The following PPFIBP2 variants were observed in gnomAD, a reference collection of about 807,000 sequenced individuals.
PPFIBP2 encodes the protein PPFIB scaffold protein 2.
A neutral mutation model predicts 118.3 loss-of-function variants in PPFIBP2; 118 were observed. The observed-to-expected ratio is 1.00, with a 90% CI of 0.86 to 1.16. PPFIBP2 has a LOEUF of 1.16. PPFIBP2 is among the 50% of genes most tolerant of loss of function. The probability of loss-of-function intolerance (pLI) is 0.00; values close to 1 mark genes in which losing one functional copy is unlikely to be tolerated. For synonymous variants in PPFIBP2, 414 were observed against 397.4 expected, an observed-to-expected ratio of 1.04 and a Z score of -0.50; for missense variants, 1,195 against 1,073.1, an observed-to-expected ratio of 1.11 and a Z score of -1.59.
chr11:7,642,426 G>A lies in PPFIBP2; in HGVS notation c.1646G>A (p.Ser549Asn), dbSNP rs1206289511. 1.9e-6 allele frequency: 3 copies of A among 1,611,956 alleles called. No individual in the cohort carries two copies. Among genetic ancestry groups the A allele is most frequent in the East Asian group, 4.5e-5 (2 of 44,852 alleles). The change falls in exon 17 of 24, where the codon AGT becomes AAT. Residue 549 changes from serine to asparagine, a missense_variant and splice_region_variant. Ser to Asn is a conservative substitution (Grantham distance 46). Transcript: ENST00000299492. ...SRTRDSKGQKSDANAPFAQWS... is the reference protein window; with the variant it reads ...SRTRDSKGQKNDANAPFAQWS... ...ACCAGGGACTCCAAGGGACAGAAAA[G>A]GTAAGGCTTGACCCACTTTCCTTTG...
In PPFIBP2 at chr11:7,527,348, G is replaced by A. The variant is rs192222620; in HGVS notation, c.-37+13227G>A. 2.0e-5 allele frequency among the ~76,000 whole-genome samples: 3 copies of A among 152,160 alleles called. No individual in the cohort carries two copies. In the East Asian group the frequency reaches 5.9e-4, roughly 30 times the overall value. On this transcript the variant is annotated intron_variant, in intron 1 of 23. Coordinates refer to ENST00000299492, the MANE Select transcript of PPFIBP2 (RefSeq NM_003621.5). Reference sequence around the variant, plus strand: ...GGGAAGGAGTCTGGCAAGAATGGTAGGAAGAGTGGCCATGGAACCCCAAGG... The same window carrying A: ...GGGAAGGAGTCTGGCAAGAATGGTAAGAAGAGTGGCCATGGAACCCCAAGG...
At chr11:7,597,486 C>G in intron 4 of PPFIBP2, 74 bp from the exon 5 acceptor site, 1 of 1,538,522 alleles carries the variant, frequency 6.5e-7, no homozygotes, top group Non-Finnish European at 8.9e-7. Context: ...TTAACGGCTC[C>G]CCTGAGGTGG....
downstream of PPFIBP2, chr11:7,655,568 G>GTGTGT (rs1854606820): frequency 1.2e-5 from 14 of 1,195,896 alleles, no homozygotes; most frequent in Non-Finnish European, 1.5e-5. Context: ...GTGTGGTGTG[G>GTGTGT]TGTGGTATGC....
At position 7,649,189 on chromosome 11, in the gene PPFIBP2, T is replaced by G; in HGVS notation, c.1952T>G (p.Phe651Cys). 2 of 1,614,106 alleles carry G rather than the reference T, an allele frequency of 1.2e-6. No individual in the cohort carries two copies. Among genetic ancestry groups the G allele is most frequent in the South Asian group, 1.1e-5 (1 of 91,074 alleles). The change falls in exon 20 of 24, where the codon TTT (phenylalanine) becomes TGT (cysteine). Residue 651 changes from phenylalanine to cysteine, a missense_variant. By Grantham distance (205) the Phe-to-Cys change is radical. Coordinates refer to ENST00000299492, the MANE Select transcript of PPFIBP2 (RefSeq NM_003621.5). ...GGCTTACCCCAGTACAAAGACCAGTTTCATGAATCTAGAGTTGACAGACGA... is the reference window on the plus strand; with the variant it reads ...GGCTTACCCCAGTACAAAGACCAGTGTCATGAATCTAGAGTTGACAGACGA... ...DIGLPQYKDQ[F>C]HESRVDRRML...
In PPFIBP2 at chr11:7,641,109, T is replaced by C. The variant is rs111538053; in HGVS notation, c.1376-370T>C. The C allele has an allele frequency of 1.6e-3, 2,000 of 1,234,382 alleles. 26 individuals are homozygous for C. In the African/African-American group the frequency reaches 0.028, roughly 17 times the overall value. 76.5% of individuals were successfully genotyped at this position (1,234,382 alleles called of 1,614,324 possible). A position where few individuals can be genotyped will look rare whatever the true frequency, so the allele number is the denominator to read the frequency against. On this transcript the variant is annotated intron_variant, in intron 15 of 23. Coordinates refer to ENST00000299492, the MANE Select transcript of PPFIBP2 (RefSeq NM_003621.5). ...GTGAGGTGGAGAGTGAGAATGCCTTTGTTTCCCTACCCTAACCCTCCCCTT... is the reference window on the plus strand; with the variant it reads ...GTGAGGTGGAGAGTGAGAATGCCTTCGTTTCCCTACCCTAACCCTCCCCTT...
intron 21 of PPFIBP2, 131 bp downstream of exon 21, chr11:7,649,785 G>C (rs1048767772): frequency 3.6e-6 from 5 of 1,374,562 alleles, no homozygotes; most frequent in Admixed American, 4.2e-5. Flanking sequence ...TCTTTTGTTT[G>C]CTTGTGCTTC....
At chr11:7,637,965 G>A (rs192139550) in intron 14 of PPFIBP2, among the ~76,000 whole-genome samples, 7 of 152,246 alleles carry the variant, frequency 4.6e-5, no homozygotes, top group South Asian at 2.1e-4. Context: ...GGGAGCATGC[G>A]TGATGATGCA....
intron 5 of PPFIBP2, chr11:7,605,828 A>G: frequency 7.3e-7 from 1 of 1,371,704 alleles, no homozygotes; most frequent in Non-Finnish European, 9.4e-7. Context: ...AAGATTTTAG[A>G]AGCAAAGCAA....
chr11:7,589,077 TG>T, intron 3 of PPFIBP2, among the ~76,000 whole-genome samples: 1 of 152,342 alleles, frequency 6.6e-6, no homozygotes, highest in Middle Eastern at 3.4e-3. Flanking sequence ...CTGTCACATT[TG>T]TAGCAATAAC....
intron 6 of PPFIBP2, among the ~76,000 whole-genome samples, chr11:7,617,753 C>A (rs561101532): frequency 6.6e-6 from 1 of 152,128 alleles, no homozygotes; most frequent in African/African-American, 2.4e-5. Flanking sequence ...AGGTTTACCC[C>A]CAGTGAAAAA....
intron 7 of PPFIBP2, among the ~76,000 whole-genome samples, chr11:7,624,521 A>G (rs942574894): frequency 6.6e-6 from 1 of 152,204 alleles, no homozygotes; most frequent in Non-Finnish European, 1.5e-5. Context: ...CCTTTGTGGA[A>G]TTGAACAGCC....
Position 7,653,583 on chromosome 11 carries a change from A to G in PPFIBP2, c.*365A>G. The G allele has an allele frequency of 7.7e-7, 1 of 1,303,884 alleles. No individual in the cohort carries two copies. Among genetic ancestry groups the G allele is most frequent in the Non-Finnish European group, 1.0e-6 (1 of 998,908 alleles). 80.8% of individuals were successfully genotyped at this position (1,303,884 alleles called of 1,614,324 possible). On this transcript the variant is annotated 3_prime_UTR_variant, in exon 24 of 24. Coordinates refer to ENST00000299492, the MANE Select transcript of PPFIBP2 (RefSeq NM_003621.5). The stretch of plus-strand genomic sequence containing the variant: ...GAGGCTCAGCTCTCAGGCACCCCCT[A>G]CACTTCAGTTGAGGGAAAAGCTCAA...
intron 1 of PPFIBP2, among the ~76,000 whole-genome samples, chr11:7,519,822 T>C (rs1255880661): frequency 6.6e-6 from 1 of 152,038 alleles, no homozygotes; most frequent in Non-Finnish European, 1.5e-5. Flanking sequence ...GCTGGAGCCT[T>C]TTTGGACCAA....
At chr11:7,565,432 A>C (rs1854853078) in intron 2 of PPFIBP2, 121 bp from the exon 3 acceptor site, 2 of 1,014,332 alleles carry the variant, frequency 2.0e-6, no homozygotes, top group Non-Finnish European at 3.0e-6. Flanking sequence ...CGCCATGCCC[A>C]GCTCACCCCC....
chr11:7,619,346 G>T (rs573336865), intron 6 of PPFIBP2, among the ~76,000 whole-genome samples: 1 of 152,286 alleles, frequency 6.6e-6, no homozygotes, highest in Non-Finnish European at 1.5e-5. Context: ...CCAGACAGAG[G>T]GAATGTTGTC....
At chr11:7,655,576 T>G (rs1289131857), downstream of PPFIBP2, 1 of 1,142,570 alleles carries the variant, frequency 8.8e-7, no homozygotes, top group Non-Finnish European at 1.2e-6. Context: ...TGGTGTGGTA[T>G]GCACAAGGCC....
downstream of PPFIBP2, chr11:7,656,691 T>G: frequency 7.8e-7 from 1 of 1,288,268 alleles, no homozygotes; most frequent in Non-Finnish European, 1.0e-6. Context: ...GGACCAAAAC[T>G]CTATTAAACT....
chr11:7,626,115 G>A (rs1849971846), intron 8 of PPFIBP2, among the ~76,000 whole-genome samples: 1 of 152,090 alleles, frequency 6.6e-6, no homozygotes, highest in African/African-American at 2.4e-5. Context: ...TCATTCCCAT[G>A]GAACCCTCCC....
At chr11:7,584,292 G>C (rs921578118) in intron 3 of PPFIBP2, among the ~76,000 whole-genome samples, 4 of 152,148 alleles carry the variant, frequency 2.6e-5, no homozygotes, top group Admixed American at 6.5e-5. Context: ...TATGAACTCT[G>C]CTTTGTTCTT....
Sources: allele counts gnomAD v4.1 joint callset (sites outside exome capture counted in the v4.1 genomes callset), GRCh38; gene constraint gnomAD v4.1.1; transcripts MANE v1.5; gene names NCBI Gene and HGNC (gene_info 2026-07-23, HGNC 2026-07-21).